TMF1: variants seen among roughly 807,000 people sequenced by gnomAD.
TMF1 encodes the protein TATA element modulatory factor.
A neutral mutation model predicts 126.5 loss-of-function variants in TMF1; 71 were observed. That is an observed-to-expected ratio of 0.56 (90% CI 0.46 to 0.68). TMF1 has a LOEUF of 0.68. Ranked by LOEUF, TMF1 falls within the 30% of genes least tolerant of loss-of-function variation. The pLI is 0.00. For missense variants in TMF1, 1,259 were observed against 1,253.2 expected, an observed-to-expected ratio of 1.00 and a Z score of -0.07; for synonymous variants, 461 against 430.5, an observed-to-expected ratio of 1.07 and a Z score of -0.88.
chr3:69,026,391 G>A (rs1034743049), intron 13 of TMF1, among the ~76,000 whole-genome samples: 1 of 152,200 alleles, frequency 6.6e-6, no homozygotes, highest in Non-Finnish European at 1.5e-5. Flanking sequence ...GAGGTTGGGA[G>A]ATCAAGACCA....
chr3:69,030,007 C>T lies in TMF1; in HGVS notation c.2402G>A (p.Gly801Asp), dbSNP rs752077971. The stretch of plus-strand genomic sequence containing the variant: ...TGCTGCCAGCAAGGTCTGGGATTCA[C>T]CTGATTACAGGACAGAAAAAAAAAT... The part of the protein sequence containing the change: ...KLEKNLSDRL[G>D]ESQTLLAAAV... Residue 801 changes from glycine (G) to aspartate (D), a missense_variant and splice_region_variant, in exon 11 of 17, where the codon GGT becomes GAT. Gly to Asp is a moderately conservative substitution (Grantham distance 94, BLOSUM62 -1). Coordinates refer to ENST00000398559, the MANE Select transcript of TMF1 (RefSeq NM_007114.3). 5.6e-6 allele frequency: 9 copies of T among 1,610,694 alleles called. No individual in the cohort carries two copies. The African/African-American group carries it at 8.0e-5, about 14-fold the overall frequency.
At chr3:69,032,401 A>G (rs2091807920) in intron 10 of TMF1, among the ~76,000 whole-genome samples, 1 of 152,222 alleles carries the variant, frequency 6.6e-6, no homozygotes, top group Non-Finnish European at 1.5e-5. Context: ...TGATTTTATC[A>G]CTACACTGTG....
intron 2 of TMF1, among the ~76,000 whole-genome samples, chr3:69,045,502 G>A (rs554525832): frequency 1.2e-4 from 17 of 140,532 alleles, no homozygotes; most frequent in Middle Eastern, 5.1e-3. Context: ...AGTAGAGGCC[G>A]GGCATGGTGG....
At chr3:69,031,898 A>G (rs17005239) in intron 10 of TMF1, among the ~76,000 whole-genome samples, 1,549 of 152,318 alleles carry the variant, frequency 0.01, 38 homozygotes, top group African/African-American at 0.035. Flanking sequence ...AGTTTCTAGC[A>G]TTCATTTATT....
chr3:69,042,480 C>T, intron 5 of TMF1: 1 of 488,464 alleles, frequency 2.0e-6, no homozygotes, highest in South Asian at 1.6e-5. Context: ...TACATAAATC[C>T]CAGAGTTACA....
At chr3:69,031,168 T>C (rs1233105483) in intron 10 of TMF1, among the ~76,000 whole-genome samples, 1 of 152,200 alleles carries the variant, frequency 6.6e-6, no homozygotes, top group Non-Finnish European at 1.5e-5. Flanking sequence ...TATAATTTTA[T>C]TTATGTAACA....
At chr3:69,043,947 C>G in intron 3 of TMF1, 71 bp from the exon 4 acceptor site, 1 of 1,284,948 alleles carries the variant, frequency 7.8e-7, no homozygotes, top group Non-Finnish European at 1.1e-6. Flanking sequence ...GAGTTCAATT[C>G]TCAAAAGGAA....
chr3:69,048,501 A>G lies in TMF1; in HGVS notation c.204T>C (p.Thr68=), dbSNP rs781001108. The change falls in exon 2 of 17, where the codon ACT becomes ACC. Residue 68 remains threonine, a synonymous_variant. Transcript: ENST00000398559. ...DTSTWGLKSN[T]EPQSPPIASP... is the part of the protein sequence containing the mutation. ...AGGCTATTGGTGGACTCTGAGGTTCAGTGTTTGATTTCAACCCCCAGGTTG... is the reference window on the plus strand; with the variant it reads ...AGGCTATTGGTGGACTCTGAGGTTCGGTGTTTGATTTCAACCCCCAGGTTG... 2.0e-5 allele frequency: 33 copies of G among 1,613,862 alleles called. No homozygotes were observed. The East Asian group carries it at 7.1e-4, about 35-fold the overall frequency.
At chr3:69,042,469 T>C (rs2091872340) in intron 5 of TMF1, 2 of 478,724 alleles carry the variant, frequency 4.2e-6, no homozygotes, top group Non-Finnish European at 8.2e-6. Flanking sequence ...TATTCAGATA[T>C]TACATAAATC....
At chr3:69,043,899 G>A in intron 3 of TMF1, 23 bp from the exon 4 acceptor site, 1 of 1,582,862 alleles carries the variant, frequency 6.3e-7, no homozygotes, top group East Asian at 2.2e-5. Flanking sequence ...TAATATTTGA[G>A]AATGAGGATG....
intron 8 of TMF1, among the ~76,000 whole-genome samples, chr3:69,037,779 C>G (rs1210863025): frequency 6.6e-6 from 1 of 151,762 alleles, no homozygotes; most frequent in Non-Finnish European, 1.5e-5. Context: ...GTGCTCCAGT[C>G]TGGCAAGAGT....
chr3:69,049,549 G>GT (rs1401116180), intron 1 of TMF1, among the ~76,000 whole-genome samples: 1 of 152,168 alleles, frequency 6.6e-6, no homozygotes, highest in Non-Finnish European at 1.5e-5. Flanking sequence ...CTAAGAGGAA[G>GT]TTTTGTTCTC....
chr3:69,047,704 A>G lies in TMF1; in HGVS notation c.1001T>C (p.Leu334Ser). 6.2e-7 allele frequency: 1 copy of G among 1,614,120 alleles called. No homozygotes were observed. Among genetic ancestry groups the G allele is most frequent in the Non-Finnish European group, 8.5e-7 (1 of 1,180,018 alleles). Reference protein sequence around the residue: ...ERIDSFSVQSLDSRSVSEINS... With the variant: ...ERIDSFSVQSSDSRSVSEINS... Reference sequence around the variant, plus strand: ...GATTTCACTTACACTCCGGCTATCTAATGACTGTACACTAAATGAGTCTAT... The same window carrying G: ...GATTTCACTTACACTCCGGCTATCTGATGACTGTACACTAAATGAGTCTAT... The change falls in exon 2 of 17, where the codon TTA becomes TCA. Residue 334 changes from leucine to serine, a missense_variant. Coordinates refer to ENST00000398559, the MANE Select transcript of TMF1 (RefSeq NM_007114.3).
At chr3:69,036,130 A>G (rs1263938094) in intron 8 of TMF1, among the ~76,000 whole-genome samples, 1 of 152,206 alleles carries the variant, frequency 6.6e-6, no homozygotes, top group Non-Finnish European at 1.5e-5. Flanking sequence ...ATAAAGTATT[A>G]TAAAACTGTA....
intron 9 of TMF1, among the ~76,000 whole-genome samples, chr3:69,034,800 A>G (rs2091823419): frequency 6.6e-6 from 1 of 152,168 alleles, no homozygotes; most frequent in Non-Finnish European, 1.5e-5. Flanking sequence ...CATATAACAA[A>G]TCTATCATAA....
intron 14 of TMF1, 85 bp from the exon 15 acceptor site, chr3:69,025,797 C>T: frequency 6.9e-7 from 1 of 1,456,334 alleles, no homozygotes; most frequent in Non-Finnish European, 9.3e-7. Context: ...ATGGTTCTGT[C>T]AATTTTTGCT....
At chr3:69,045,460 T>C (rs1032717130) in intron 2 of TMF1, among the ~76,000 whole-genome samples, 4 of 150,226 alleles carry the variant, frequency 2.7e-5, no homozygotes, top group Admixed American at 6.7e-5. Flanking sequence ...TGAAACTCCA[T>C]CTCAAAAAGT....
intron 5 of TMF1, among the ~76,000 whole-genome samples, chr3:69,041,466 T>A (rs747747556): frequency 5.3e-5 from 8 of 152,228 alleles, no homozygotes; most frequent in Non-Finnish European, 1.0e-4. Flanking sequence ...TGCTTCCAAC[T>A]GTTCTCAAAC....
At chr3:69,036,836 C>G (rs531052978) in intron 8 of TMF1, among the ~76,000 whole-genome samples, 2 of 152,138 alleles carry the variant, frequency 1.3e-5, no homozygotes, top group Non-Finnish European at 2.9e-5. Context: ...TAGAAGAAAA[C>G]TGATGAAGAT....
Sources: allele counts gnomAD v4.1 joint callset (sites outside exome capture counted in the v4.1 genomes callset), GRCh38; gene constraint gnomAD v4.1.1; transcripts MANE v1.5; gene names NCBI Gene and HGNC (gene_info 2026-07-23, HGNC 2026-07-21).